Variants in GRIP1 observed in about 807,000 individuals in gnomAD.
GRIP1 encodes the protein glutamate receptor interacting protein 1.
In GRIP1, 45 loss-of-function variants were observed where a neutral mutation model predicts 129.9. That is an observed-to-expected ratio of 0.35 (90% CI 0.27 to 0.44). The LOEUF is 0.44. Among genes scored for constraint, GRIP1 ranks in the 20% least tolerant of loss-of-function variants. GRIP1 has a pLI of 1.00. For missense variants in GRIP1, 1,196 were observed against 1,396.8 expected (o/e 0.86, Z 2.29); for synonymous variants, 530 against 520.8 (o/e 1.02, Z -0.24).
At chr12:66,748,027 AT>A (rs1390500044) in intron 1 of GRIP1, among the ~76,000 whole-genome samples, 1 of 149,948 alleles carries the variant, frequency 6.7e-6, no homozygotes, top group Non-Finnish European at 1.5e-5. Context: ...GTGTGTGTGT[AT>A]TTTTTTTTGA....
chr12:66,370,701 C>G lies in GRIP1; in HGVS notation c.3012+993G>C, dbSNP rs115336431. On this transcript the variant is annotated intron_variant, in intron 23 of 24. Transcript: ENST00000359742. The stretch of plus-strand genomic sequence containing the variant: ...TTTTATATTAACAAAAAATAAAGCA[C>G]TCACCCTAGAAAAGGAAACTAGACC... Among the ~76,000 whole-genome samples, 139 of 152,286 alleles carry G rather than the reference C, an allele frequency of 9.1e-4. 1 individual carries two copies. Among genetic ancestry groups the G allele is most frequent in the African/African-American group, 3.2e-3 (131 of 41,554 alleles).
intron 1 of GRIP1, among the ~76,000 whole-genome samples, chr12:67,066,187 C>T (rs1273834518): frequency 6.6e-6 from 1 of 152,100 alleles, no homozygotes; most frequent in Non-Finnish European, 1.5e-5. Context: ...CGAGATGAAC[C>T]CGAGTAATGA....
intron 1 of GRIP1, among the ~76,000 whole-genome samples, chr12:66,615,920 C>G (rs564335858): frequency 1.3e-3 from 192 of 152,318 alleles, no homozygotes; most frequent in African/African-American, 4.4e-3. Flanking sequence ...GCTGGGATTA[C>G]AGGCATGAGC....
rs548086075 is a variant in GRIP1 at position 67,044,662 on chromosome 12, G to A, written c.58+24388C>T. On this transcript the variant is annotated intron_variant, in intron 1 of 1. Coordinates refer to the GRIP1 transcript ENST00000643019. ...TTCTGCTGCGCTCAAGCTGACACCA[G>A]CTACTTCTAATTCTCCTCTAGTGAC... 3.3e-5 allele frequency among the ~76,000 whole-genome samples: 5 copies of A among 152,110 alleles called. No individual in the cohort carries two copies. The South Asian group carries it at 8.3e-4, about 25-fold the overall frequency.
intron 14 of GRIP1, among the ~76,000 whole-genome samples, chr12:66,423,885 T>C (rs1395375650): frequency 6.6e-6 from 1 of 152,136 alleles, no homozygotes; most frequent in Non-Finnish European, 1.5e-5. Context: ...ATACAACTCT[T>C]TGAAATTTCA....
intron 1 of GRIP1, among the ~76,000 whole-genome samples, chr12:66,626,081 T>C (rs1020225869): frequency 6.6e-6 from 1 of 152,030 alleles, no homozygotes; most frequent in African/African-American, 2.4e-5. Context: ...ATCTTTCACT[T>C]TGGGAGGCCG....
chr12:67,035,850 A>C (rs1410142037), intron 1 of GRIP1, among the ~76,000 whole-genome samples: 2 of 152,166 alleles, frequency 1.3e-5, no homozygotes, highest in Non-Finnish European at 2.9e-5. Flanking sequence ...CTATCTATTT[A>C]CGTGCATTTT....
intron 1 of GRIP1, among the ~76,000 whole-genome samples, chr12:66,860,379 C>T (rs1487067566): frequency 1.3e-5 from 2 of 152,088 alleles, no homozygotes; most frequent in Non-Finnish European, 2.9e-5. Context: ...AACACGGGCA[C>T]TTGGAGCATT....
intron 1 of GRIP1, among the ~76,000 whole-genome samples, chr12:66,985,670 T>G (rs2066078524): frequency 6.6e-6 from 1 of 152,154 alleles, no homozygotes; most frequent in South Asian, 2.1e-4. Flanking sequence ...CATGTTAAAG[T>G]GGAAAAATGA....
At chr12:66,578,085 T>G (rs1383097161) in intron 2 of GRIP1, among the ~76,000 whole-genome samples, 1 of 152,166 alleles carries the variant, frequency 6.6e-6, no homozygotes, top group East Asian at 1.9e-4. Context: ...TGAGTGAAAC[T>G]GCTGAAAACT....
intron 1 of GRIP1, among the ~76,000 whole-genome samples, chr12:67,066,845 T>C (rs1592537285): frequency 6.8e-6 from 1 of 148,078 alleles, no homozygotes; most frequent in Non-Finnish European, 1.5e-5. Flanking sequence ...TCCTCTGATA[T>C]ATGCATTACA....
chr12:66,909,130 CTCCT>C (rs2040986684), intron 1 of GRIP1, among the ~76,000 whole-genome samples: 1 of 151,966 alleles, frequency 6.6e-6, no homozygotes, highest in Admixed American at 6.6e-5. Flanking sequence ...TTTGAAAAAT[CTCCT>C]TCCTTCTCTC....
chr12:66,754,235 G>A (rs1005358598), intron 1 of GRIP1, among the ~76,000 whole-genome samples: 1 of 152,084 alleles, frequency 6.6e-6, no homozygotes, highest in African/African-American at 2.4e-5. Context: ...TAATAATCTA[G>A]CCACAAGTAA....
intron 1 of GRIP1, among the ~76,000 whole-genome samples, chr12:66,723,760 G>T (rs2036169540): frequency 6.6e-6 from 1 of 152,114 alleles, no homozygotes; most frequent in South Asian, 2.1e-4. Flanking sequence ...CCAAGAAAAA[G>T]CAGGACAAAT....
intron 13 of GRIP1, among the ~76,000 whole-genome samples, chr12:66,435,588 A>G (rs897212153): frequency 5.3e-5 from 8 of 152,200 alleles, no homozygotes; most frequent in African/African-American, 1.9e-4. Flanking sequence ...ATGTATCTGT[A>G]TATCTGTATA....
chr12:66,586,770 A>G lies in GRIP1; in HGVS notation c.136+10077T>C, dbSNP rs539315070. ...GGTTCTTTCTTCAAAATTTGACCAT[A>G]TTTTACTACTTCCACCTCTACCTCC... On this transcript the variant is annotated intron_variant, in intron 2 of 24. Coordinates refer to ENST00000359742, the MANE Select transcript of GRIP1 (RefSeq NM_001366722.1). Among the ~76,000 whole-genome samples the G allele has an allele frequency of 7.2e-5, 11 of 152,182 alleles. No homozygotes were observed. The East Asian group carries it at 1.7e-3, about 24-fold the overall frequency.
intron 1 of GRIP1, among the ~76,000 whole-genome samples, chr12:66,743,265 A>G (rs1359616218): frequency 1.3e-5 from 2 of 152,222 alleles, no homozygotes; most frequent in East Asian, 3.9e-4. Flanking sequence ...TTGTATTCCC[A>G]AATATGTTGG....
chr12:66,426,434 T>C (rs1337721638), intron 14 of GRIP1, among the ~76,000 whole-genome samples: 1 of 152,150 alleles, frequency 6.6e-6, no homozygotes, highest in African/African-American at 2.4e-5. Context: ...AGGCCCACTT[T>C]TTTCCCCCTC....
intron 1 of GRIP1, among the ~76,000 whole-genome samples, chr12:66,982,427 T>C (rs1021633134): frequency 3.3e-5 from 5 of 152,164 alleles, no homozygotes; most frequent in African/African-American, 1.2e-4. Context: ...CTATAACAAA[T>C]AGAACAGGGC....
Sources: gnomAD v4.1 joint callset for allele counts (sites outside exome capture counted in the v4.1 genomes callset) on GRCh38, gnomAD v4.1.1 for gene constraint, MANE v1.5 for transcripts, NCBI Gene and HGNC (gene_info 2026-07-23, HGNC 2026-07-21) for gene names.